Variants in SLC24A2 observed in about 807,000 individuals in gnomAD.
SLC24A2 encodes sodium/potassium/calcium exchanger 2.
SLC24A2 carries 36 observed loss-of-function variants against 62.0 expected under a neutral mutation model. That is an observed-to-expected ratio of 0.58 (90% CI 0.44 to 0.77). The LOEUF (loss-of-function observed/expected upper bound fraction) is 0.77. SLC24A2 is among the 30% of genes least tolerant of loss of function. The probability of loss-of-function intolerance (pLI) is 0.00; values close to 1 mark genes in which losing one functional copy is unlikely to be tolerated. For synonymous variants in SLC24A2, 358 were observed against 294.0 expected, an observed-to-expected ratio of 1.22 and a Z score of -2.23; for missense variants, 846 against 817.9, an observed-to-expected ratio of 1.03 and a Z score of -0.42.
intron 2 of SLC24A2, among the ~76,000 whole-genome samples, chr9:19,675,844 C>G (rs1024986100): frequency 6.6e-6 from 1 of 152,294 alleles, no homozygotes; most frequent in South Asian, 2.1e-4. Context: ...TCTGCACTCC[C>G]TATTCACCCC....
chr9:19,698,840 C>T (rs894989179), intron 2 of SLC24A2, among the ~76,000 whole-genome samples: 1 of 152,186 alleles, frequency 6.6e-6, no homozygotes, highest in Non-Finnish European at 1.5e-5. Context: ...AATTGTACCA[C>T]TGCTCTAGCA....
At chr9:20,131,502 C>T in the SLC24A2 span, among the ~76,000 whole-genome samples, 1 of 152,168 alleles carries the variant, frequency 6.6e-6, no homozygotes, top group South Asian at 2.1e-4. Context: ...AGATGCCCCA[C>T]ACAGATTTCC....
chr9:19,764,271 A>T (rs1822443634), intron 2 of SLC24A2, among the ~76,000 whole-genome samples: 1 of 152,090 alleles, frequency 6.6e-6, no homozygotes, highest in Non-Finnish European at 1.5e-5. Flanking sequence ...CAGCTCCTGG[A>T]TTCACTGATT....
chr9:19,661,226 C>T (rs1330100283), intron 2 of SLC24A2, among the ~76,000 whole-genome samples: 2 of 151,674 alleles, frequency 1.3e-5, no homozygotes, highest in Non-Finnish European at 1.5e-5. Context: ...CTTCCTCATC[C>T]GATACAAGTT....
the SLC24A2 span, among the ~76,000 whole-genome samples, chr9:20,257,420 A>G: frequency 1.3e-5 from 2 of 152,136 alleles, no homozygotes; most frequent in African/African-American, 4.8e-5. Flanking sequence ...TAGTTGACTT[A>G]ATTCTGTATC....
intron 2 of SLC24A2, among the ~76,000 whole-genome samples, chr9:19,696,027 G>T (rs1195577141): frequency 6.6e-6 from 1 of 152,140 alleles, no homozygotes; most frequent in Non-Finnish European, 1.5e-5. Flanking sequence ...TGCACAGCAG[G>T]AGGTGGGCAA....
chr9:19,818,065 A>G, the SLC24A2 span, among the ~76,000 whole-genome samples: 1 of 152,144 alleles, frequency 6.6e-6, no homozygotes, highest in African/African-American at 2.4e-5. Flanking sequence ...ATCTTTAAAT[A>G]TGTACCTTTA....
chr9:19,635,576 T>TG (rs1818291308), intron 2 of SLC24A2, among the ~76,000 whole-genome samples: 1 of 152,298 alleles, frequency 6.6e-6, no homozygotes, highest in South Asian at 2.1e-4. Context: ...AAATGACACT[T>TG]GCCAATGAAA....
chr9:20,109,039 G>T, the SLC24A2 span, among the ~76,000 whole-genome samples: 1 of 152,044 alleles, frequency 6.6e-6, no homozygotes, highest in South Asian at 2.1e-4. Flanking sequence ...TTACCACTGT[G>T]TTACAACTGC....
intron 2 of SLC24A2, among the ~76,000 whole-genome samples, chr9:19,703,421 C>G (rs543095344): frequency 1.3e-5 from 2 of 152,142 alleles, no homozygotes. Flanking sequence ...ATGAAGCACA[C>G]TAAAGATCCA....
the SLC24A2 span, among the ~76,000 whole-genome samples, chr9:20,260,672 G>A: frequency 1.3e-5 from 2 of 151,662 alleles, no homozygotes; most frequent in Admixed American, 6.6e-5. Context: ...TATTTCAATA[G>A]GTTTGTGGAG....
At chr9:19,980,414 G>A in the SLC24A2 span, among the ~76,000 whole-genome samples, 1 of 152,146 alleles carries the variant, frequency 6.6e-6, no homozygotes, top group Non-Finnish European at 1.5e-5. Context: ...AGCTCAAAAT[G>A]GTTGCACCAT....
At chr9:20,037,229 C>T in the SLC24A2 span, among the ~76,000 whole-genome samples, 3 of 152,072 alleles carry the variant, frequency 2.0e-5, no homozygotes, top group Admixed American at 6.6e-5. Flanking sequence ...ATTACTTACA[C>T]GCCCAACACA....
the SLC24A2 span, among the ~76,000 whole-genome samples, chr9:19,963,866 T>A: frequency 7.9e-5 from 12 of 152,262 alleles, no homozygotes; most frequent in South Asian, 2.3e-3. Flanking sequence ...ATCCCATTAC[T>A]GGGTATATAC....
chr9:20,090,420 G>GCTAT, the SLC24A2 span, among the ~76,000 whole-genome samples: 2 of 152,144 alleles, frequency 1.3e-5, no homozygotes, highest in Non-Finnish European at 2.9e-5. Flanking sequence ...CACTCAAGTG[G>GCTAT]GAGAGGAGCC....
chr9:20,249,943 T>C, the SLC24A2 span, among the ~76,000 whole-genome samples: 1 of 152,168 alleles, frequency 6.6e-6, no homozygotes, highest in Admixed American at 6.5e-5. Context: ...AAAGAAAATA[T>C]GTACAATTTC....
chr9:19,532,625 G>A (rs769525221), intron 8 of SLC24A2, among the ~76,000 whole-genome samples: 1 of 152,168 alleles, frequency 6.6e-6, no homozygotes, highest in Non-Finnish European at 1.5e-5. Flanking sequence ...GATAATTGGG[G>A]AAGTGAACAT....
chr9:19,688,651 C>T (rs1361621479), intron 2 of SLC24A2, among the ~76,000 whole-genome samples: 1 of 152,072 alleles, frequency 6.6e-6, no homozygotes, highest in Non-Finnish European at 1.5e-5. Context: ...GGACGCAAAG[C>T]AGAATGTGTT....
At chr9:19,553,112 G>A (rs143180461) in intron 7 of SLC24A2, among the ~76,000 whole-genome samples, 383 of 152,304 alleles carry the variant, frequency 2.5e-3, no homozygotes, top group African/African-American at 8.8e-3. Context: ...CCAGGAGCAA[G>A]GCTGTTGGCA....
Sources: gnomAD v4.1 joint callset for allele counts (sites outside exome capture counted in the v4.1 genomes callset) on GRCh38, gnomAD v4.1.1 for gene constraint, MANE v1.5 for transcripts, NCBI Gene and HGNC (gene_info 2026-07-23, HGNC 2026-07-21) for gene names.